Variants in GPHN observed in about 807,000 individuals in gnomAD.
The protein encoded by GPHN is gephyrin.
A neutral mutation model predicts 95.5 loss-of-function variants in GPHN; 17 were observed. The observed-to-expected ratio is 0.18, with a 90% CI of 0.12 to 0.27. The LOEUF is 0.27. Among genes scored for constraint, GPHN ranks in the 10% least tolerant of loss-of-function variants. The pLI is 1.00. For synonymous variants in GPHN, 320 were observed against 322.5 expected (o/e 0.99, Z 0.08); for missense variants, 660 against 978.1 (o/e 0.67, Z 4.34).
chr14:66,666,291 T>C (rs2065951459), intron 1 of GPHN, among the ~76,000 whole-genome samples: 2 of 150,536 alleles, frequency 1.3e-5, no homozygotes, highest in Admixed American at 1.3e-4. Flanking sequence ...TATTGAATCT[T>C]CCAACCACCC....
intron 1 of GPHN, among the ~76,000 whole-genome samples, chr14:66,617,779 T>G (rs531093703): frequency 6.6e-6 from 1 of 152,334 alleles, no homozygotes; most frequent in African/African-American, 2.4e-5. Flanking sequence ...TTTTCTTCTT[T>G]GAAAGAGAAA....
intron 8 of GPHN, among the ~76,000 whole-genome samples, chr14:66,949,918 T>A (rs1211865628): frequency 6.6e-6 from 1 of 151,228 alleles, no homozygotes; most frequent in Non-Finnish European, 1.5e-5. Flanking sequence ...CTGTGTATTC[T>A]GATTTTTATA....
Position 66,869,244 on chromosome 14 carries a change from A to G in GPHN, c.295-10695A>G, listed in dbSNP as rs1035531801. 3.9e-5 allele frequency among the ~76,000 whole-genome samples: 6 copies of G among 152,356 alleles called. No homozygotes were observed. In the South Asian group the frequency reaches 8.3e-4, roughly 21 times the overall value. On this transcript the variant is annotated intron_variant, in intron 4 of 22. Coordinates refer to ENST00000478722, the MANE Select transcript of GPHN (RefSeq NM_020806.5). ...TTAATAATGAATACTTGTGTTATCT[A>G]TTCATTAACAGATACAGATAACCTT...
intron 9 of GPHN, among the ~76,000 whole-genome samples, chr14:67,006,848 G>T (rs1567205103): frequency 6.6e-6 from 1 of 152,128 alleles, no homozygotes; most frequent in Non-Finnish European, 1.5e-5. Context: ...ATCTTCATTT[G>T]TGTGCTGTCT....
chr14:66,965,052 G>A (rs1025708989), intron 8 of GPHN, 139 bp from the exon 9 acceptor site: 77 of 734,930 alleles, frequency 1.0e-4, no homozygotes, highest in Admixed American at 9.7e-5. Flanking sequence ...CAAGTTGTTG[G>A]ATGCATTTAT....
At chr14:66,610,289 G>A (rs1370000330) in intron 1 of GPHN, among the ~76,000 whole-genome samples, 8 of 152,012 alleles carry the variant, frequency 5.3e-5, no homozygotes, top group African/African-American at 9.7e-5. Context: ...CTGACTTGTC[G>A]CTCTTTTGTA....
At chr14:67,576,072 TTCTC>T in the GPHN span, 4 of 1,287,892 alleles carry the variant, frequency 3.1e-6, no homozygotes, top group Non-Finnish European at 4.3e-6. This position sits in a 1 kb window ranked among gnomAD's most constrained non-coding sequence, Gnocchi z 4.0. Flanking sequence ...CCTTCTCTCT[TTCTC>T]CTGAGCTTCC....
At chr14:66,998,693 C>T (rs2071984228) in intron 9 of GPHN, among the ~76,000 whole-genome samples, 1 of 151,754 alleles carries the variant, frequency 6.6e-6, no homozygotes, top group East Asian at 1.9e-4. Context: ...GTCTCCAATC[C>T]CTAATGTAGC....
At chr14:67,282,342 A>T in the GPHN span, among the ~76,000 whole-genome samples, 1 of 152,144 alleles carries the variant, frequency 6.6e-6, no homozygotes, top group South Asian at 2.1e-4. Context: ...ACATCTAGAA[A>T]CAGCAACCTT....
rs116031086 is a variant in GPHN at position 66,518,863 on chromosome 14, G to A, written c.64+10272G>A. ...GGGAAGGGGATACAGGGAGAAATGT[G>A]TTATAGGATACAAAATTACAGCTAG... On this transcript the variant is annotated intron_variant, in intron 1 of 22. Transcript: ENST00000478722. Among the ~76,000 whole-genome samples, 543 of 152,128 alleles carry A rather than the reference G, an allele frequency of 3.6e-3. 9 individuals are homozygous for A. Among genetic ancestry groups the A allele is most frequent in the African/African-American group, 0.012 (517 of 41,538 alleles).
chr14:67,729,101 C>G, the GPHN span: 1 of 1,336,710 alleles, frequency 7.5e-7, no homozygotes, highest in South Asian at 1.2e-5. Flanking sequence ...TGAGTCCCTC[C>G]TTCTCACTTG....
At chr14:67,018,913 A>G (rs898659297) in intron 9 of GPHN, among the ~76,000 whole-genome samples, 1 of 152,236 alleles carries the variant, frequency 6.6e-6, no homozygotes, top group Non-Finnish European at 1.5e-5. Context: ...AAGTCAAGAT[A>G]TTCTGGCCTG....
chr14:67,458,822 A>G, the GPHN span, among the ~76,000 whole-genome samples: 1 of 152,190 alleles, frequency 6.6e-6, no homozygotes, highest in Non-Finnish European at 1.5e-5. Context: ...CCTGGGCTCA[A>G]GCCTCCCACC....
chr14:67,725,909 G>A, the GPHN span: 3 of 729,864 alleles, frequency 4.1e-6, no homozygotes, highest in African/African-American at 1.7e-5. Context: ...AAAAGGAAGG[G>A]GCAGAGCAAG....
At chr14:67,630,496 C>A in the GPHN span, among the ~76,000 whole-genome samples, 1 of 152,198 alleles carries the variant, frequency 6.6e-6, no homozygotes, top group African/African-American at 2.4e-5. Flanking sequence ...CTGCGGGACA[C>A]GGTTCTGCTT....
At chr14:66,825,504 A>G (rs999875277) in intron 4 of GPHN, among the ~76,000 whole-genome samples, 1 of 152,096 alleles carries the variant, frequency 6.6e-6, no homozygotes, top group Non-Finnish European at 1.5e-5. Context: ...TTAAAACACA[A>G]ATTGCTTGAC....
the GPHN span, among the ~76,000 whole-genome samples, chr14:67,456,645 C>T: frequency 4.6e-5 from 7 of 151,884 alleles, no homozygotes; most frequent in African/African-American, 1.7e-4. Context: ...TGCTGCAAGG[C>T]TGCGGGAAGA....
the GPHN span, among the ~76,000 whole-genome samples, chr14:67,422,519 T>C: frequency 2.6e-5 from 4 of 152,344 alleles, no homozygotes; most frequent in African/African-American, 9.6e-5. Flanking sequence ...GCTGAATAAG[T>C]TAAATGAATA....
chr14:66,526,285 C>T (rs898418280), intron 1 of GPHN, among the ~76,000 whole-genome samples: 1 of 151,966 alleles, frequency 6.6e-6, no homozygotes, highest in Non-Finnish European at 1.5e-5. Context: ...GGTTGTTTGT[C>T]TGTTAATGGT....
Sources: allele counts gnomAD v4.1 joint callset (sites outside exome capture counted in the v4.1 genomes callset), GRCh38; gene constraint gnomAD v4.1.1; non-coding constraint Gnocchi (gnomAD v3.1); transcripts MANE v1.5; gene names NCBI Gene and HGNC (gene_info 2026-07-23, HGNC 2026-07-21).